Variants in SFMBT1 observed in about 807,000 individuals in gnomAD.
The protein encoded by SFMBT1 is scm-like with four MBT domains protein 1.
Under a neutral mutation model 108.7 loss-of-function variants are expected in SFMBT1, and 32 were observed. The observed-to-expected ratio is 0.29, with a 90% CI of 0.22 to 0.40. SFMBT1 has a LOEUF of 0.40. Among genes scored for constraint, SFMBT1 ranks in the 10% least tolerant of loss-of-function variants. The pLI is 1.00. For synonymous variants in SFMBT1, 348 were observed against 369.5 expected (o/e 0.94, Z 0.67); for missense variants, 816 against 1,059.6 (o/e 0.77, Z 3.19).
rs1282432624 is a variant in SFMBT1, at chr3:52,964,678, C to T, written c.28+4423G>A. Among the ~76,000 whole-genome samples, 5 of 152,148 alleles carry T rather than the reference C, an allele frequency of 3.3e-5. No individual in the cohort carries two copies. In the East Asian group the frequency reaches 7.7e-4, roughly 24 times the overall value. On this transcript the variant is annotated intron_variant, in intron 2 of 20. Transcript: ENST00000394752. ...AAAAAAAAGCTCCTCAGAGAAACAG[C>T]GGATTGCAAGTTTGGGGGGCAGGAT...
At chr3:53,045,589 C>G (rs1426728389) in intron 1 of SFMBT1, among the ~76,000 whole-genome samples, 2 of 142,486 alleles carry the variant, frequency 1.4e-5, no homozygotes, top group Non-Finnish European at 1.6e-5. Flanking sequence ...ACCGCGGGGC[C>G]GCGCGCGGGC....
Position 52,906,215 on chromosome 3 carries a change from C to A in SFMBT1, c.2358G>T (p.Arg786Ser). ...TCAAGGGGTTACTGTCCAGGTGAAG[C>A]CTTTCAGCAACTTCGATCCTTATTT... Reference protein sequence around the residue: ...PKEIRIEVAERLHLDSNPLKW... With the variant: ...PKEIRIEVAESLHLDSNPLKW... Residue 786 changes from arginine (R) to serine (S), a missense_variant, in exon 20 of 21, where the codon AGG (arginine) becomes AGT (serine). Arg to Ser is a moderately radical substitution (Grantham distance 110). Around this residue, in one of 5 missense-constraint regions of SFMBT1, gnomAD observed 177 missense variants for 182.0 expected, o/e 0.97. Coordinates refer to ENST00000394752, the MANE Select transcript of SFMBT1 (RefSeq NM_016329.4). 6.2e-7 allele frequency: 1 copy of A among 1,614,096 alleles called. No individual in the cohort carries two copies. The highest frequency in any genetic ancestry group is 8.5e-7 in the Non-Finnish European group (1 of 1,179,968).
At chr3:52,995,433 G>C (rs1454234690) in intron 1 of SFMBT1, among the ~76,000 whole-genome samples, 1 of 150,292 alleles carries the variant, frequency 6.7e-6, no homozygotes, top group Non-Finnish European at 1.5e-5. Flanking sequence ...CTGTCGCCAA[G>C]TTTGGAATGC....
At position 52,918,523 on chromosome 3, in the gene SFMBT1, T is replaced by C. The variant is rs1433145652; in HGVS notation, c.1376A>G (p.Tyr459Cys). ...PLSTPRRARVYKQRKIAVVQP... is the reference protein window; with the variant it reads ...PLSTPRRARVCKQRKIAVVQP... ...AACCACTGCAATTTTCCTCTGTTTA[T>C]ATACTGTAGAAAGAAAAAAATATAT... Residue 459 changes from tyrosine (Y) to cysteine (C), a missense_variant, in exon 13 of 21, where the codon TAT (tyrosine) becomes TGT (cysteine). This residue lies in a region of SFMBT1 where 495 missense variants were observed against 607.4 expected (regional missense o/e 0.81). Coordinates refer to ENST00000394752, the MANE Select transcript of SFMBT1 (RefSeq NM_016329.4). 9 of 1,548,030 alleles carry C rather than the reference T, an allele frequency of 5.8e-6. No homozygotes were observed. Among genetic ancestry groups the C allele is most frequent in the Non-Finnish European group, 7.8e-6 (9 of 1,154,016 alleles).
At chr3:53,008,210 G>T (rs1205874986) in intron 1 of SFMBT1, among the ~76,000 whole-genome samples, 1 of 152,082 alleles carries the variant, frequency 6.6e-6, no homozygotes, top group African/African-American at 2.4e-5. Context: ...GCTTTTGATG[G>T]TTATGTTGTA....
chr3:53,026,090 A>G (rs1054125318), intron 1 of SFMBT1, among the ~76,000 whole-genome samples: 12 of 152,260 alleles, frequency 7.9e-5, no homozygotes, highest in Non-Finnish European at 1.5e-4. Context: ...GTGTAGTTTT[A>G]AATTATTAAA....
At chr3:53,023,128 C>T (rs1484551595) in intron 1 of SFMBT1, among the ~76,000 whole-genome samples, 4 of 152,276 alleles carry the variant, frequency 2.6e-5, no homozygotes, top group African/African-American at 9.6e-5. Context: ...AGCAACCCGA[C>T]CTTTAAATGA....
intron 1 of SFMBT1, among the ~76,000 whole-genome samples, chr3:52,982,746 A>AAAAAAAAAAAAAAAAAAAT (rs1339817545): frequency 6.7e-6 from 1 of 149,006 alleles, no homozygotes; most frequent in Non-Finnish European, 1.5e-5. Context: ...AAAAAAAAAA[A>AAAAAAAAAAAAAAAAAAAT]AAAAAAAGAT....
intron 2 of SFMBT1, among the ~76,000 whole-genome samples, chr3:52,965,998 T>A (rs1275586361): frequency 5.1e-5 from 3 of 58,326 alleles, no homozygotes; most frequent in African/African-American, 2.4e-4. Context: ...AGAGCAAGAC[T>A]CCGTTTCAAA....
At chr3:52,974,833 T>TAAAAAAAAAAA (rs10646648) in intron 1 of SFMBT1, among the ~76,000 whole-genome samples, 14 of 90,598 alleles carry the variant, frequency 1.5e-4, no homozygotes, top group East Asian at 3.1e-4. Flanking sequence ...CTATAAAAAG[T>TAAAAAAAAAAA]AAAAAAAAAA....
At chr3:52,906,270 A>C (rs1425883358) in intron 19 of SFMBT1, 29 bp from the exon 20 acceptor site, 1 of 1,613,620 alleles carries the variant, frequency 6.2e-7, no homozygotes, top group Non-Finnish European at 8.5e-7. Context: ...AATCAAACCA[A>C]ATGGTGTTAC....
chr3:52,937,234 A>G (rs1385266083), intron 4 of SFMBT1, among the ~76,000 whole-genome samples: 1 of 152,190 alleles, frequency 6.6e-6, no homozygotes, highest in African/African-American at 2.4e-5. Flanking sequence ...TAGGATTACT[A>G]AAAATAGGTT....
chr3:53,000,358 G>A (rs1264453867), intron 1 of SFMBT1, among the ~76,000 whole-genome samples: 1 of 148,072 alleles, frequency 6.8e-6, no homozygotes, highest in African/African-American at 2.5e-5. Flanking sequence ...TTAATGTCTG[G>A]CACACTAAAA....
chr3:53,008,641 T>C (rs560211581), intron 1 of SFMBT1, among the ~76,000 whole-genome samples: 1 of 151,758 alleles, frequency 6.6e-6, no homozygotes, highest in African/African-American at 2.4e-5. Context: ...ACTTTTTTTT[T>C]TTTTTTTGAG....
At chr3:52,906,344 G>C (rs1324386381) in intron 19 of SFMBT1, 103 bp from the exon 20 acceptor site, 24 of 1,560,552 alleles carry the variant, frequency 1.5e-5, no homozygotes, top group Non-Finnish European at 1.9e-5. Context: ...ATGATTTAAA[G>C]TGGTCTTAGG....
At chr3:52,957,195 G>C (rs1703811512) in intron 2 of SFMBT1, among the ~76,000 whole-genome samples, 1 of 152,028 alleles carries the variant, frequency 6.6e-6, no homozygotes, top group Admixed American at 6.6e-5. Flanking sequence ...CAAGCAGAAA[G>C]CCAAATCATG....
chr3:52,981,826 T>C (rs1357956809), intron 1 of SFMBT1, among the ~76,000 whole-genome samples: 1 of 151,962 alleles, frequency 6.6e-6, no homozygotes, highest in African/African-American at 2.4e-5. Flanking sequence ...TGCAGTTAGG[T>C]TTATAATCAG....
At position 52,978,365 on chromosome 3, in the gene SFMBT1, AAGG is replaced by A. The variant is rs769565665; in HGVS notation, c.-130-9110_-130-9108del. On this transcript the variant is annotated intron_variant, in intron 1 of 20. Coordinates refer to ENST00000394752, the MANE Select transcript of SFMBT1 (RefSeq NM_016329.4). The stretch of plus-strand genomic sequence containing the variant: ...CAAGTAAGCAAGCAAGAACAAGTAG[AAGG>A]AGAAGAGGCAGGAGAGAGGTCAACT... Among the ~76,000 whole-genome samples the A allele has an allele frequency of 3.9e-5, 6 of 152,260 alleles. 1 individual carries two copies. The highest frequency in any genetic ancestry group is 3.9e-4 in the Admixed American group (6 of 15,288).
intron 17 of SFMBT1, 75 bp downstream of exon 17, chr3:52,910,928 G>A (rs1198053272): frequency 4.2e-6 from 6 of 1,421,414 alleles, no homozygotes; most frequent in East Asian, 4.6e-5. Context: ...ATGAATGTCT[G>A]TAAAGTAAAA....
Sources: allele counts gnomAD v4.1 joint callset (sites outside exome capture counted in the v4.1 genomes callset), GRCh38; gene constraint gnomAD v4.1.1; regional missense constraint gnomAD v4.1.1; transcripts MANE v1.5; gene names NCBI Gene and HGNC (gene_info 2026-07-23, HGNC 2026-07-21).